The following SLC38A6 variants were observed in gnomAD, a reference collection of about 807,000 sequenced individuals.
The protein encoded by SLC38A6 is solute carrier family 38 member 6, also known as N system amino acid transporter NAT-1.
SLC38A6 carries 73 observed loss-of-function variants against 65.0 expected under a neutral mutation model. That is an observed-to-expected ratio of 1.12 (90% CI 0.93 to 1.37). SLC38A6 has a LOEUF of 1.37. Ranked by LOEUF, SLC38A6 falls within the 40% of genes most tolerant of loss-of-function variation. SLC38A6 has a pLI of 0.00. For missense variants in SLC38A6, 561 were observed against 531.1 expected (o/e 1.06, Z -0.55); for synonymous variants, 183 against 178.8 (o/e 1.02, Z -0.19).
chr14:61,069,965 G>A (rs533612094), intron 15 of SLC38A6, among the ~76,000 whole-genome samples: 19 of 152,164 alleles, frequency 1.2e-4, no homozygotes, highest in Middle Eastern at 3.4e-3. Flanking sequence ...ATATACACCC[G>A]CAAATGTTGG....
intron 3 of SLC38A6, among the ~76,000 whole-genome samples, chr14:61,005,176 G>A (rs1247985965): frequency 1.3e-5 from 2 of 152,096 alleles, no homozygotes; most frequent in South Asian, 2.1e-4. Context: ...TTGATGGGAC[G>A]TATCTCCAAA....
intron 11 of SLC38A6, 68 bp downstream of exon 11, chr14:61,045,493 A>G: frequency 8.7e-7 from 1 of 1,149,792 alleles, no homozygotes; most frequent in Admixed American, 2.0e-5. Flanking sequence ...TTTCGGATTG[A>G]ATGACATCCT....
intron 3 of SLC38A6, among the ~76,000 whole-genome samples, chr14:60,992,882 CT>C (rs1369434388): frequency 1.3e-5 from 2 of 149,292 alleles, no homozygotes; most frequent in African/African-American, 4.9e-5. Flanking sequence ...CAGTCTTGCT[CT>C]GTCGCCCAGG....
chr14:61,028,292 G>A (rs1423780211), intron 5 of SLC38A6, among the ~76,000 whole-genome samples: 1 of 152,162 alleles, frequency 6.6e-6, no homozygotes, highest in Non-Finnish European at 1.5e-5. Flanking sequence ...AAGCAAGAAA[G>A]AAAGATGGGC....
chr14:61,066,540 A>G (rs993703212), intron 15 of SLC38A6, among the ~76,000 whole-genome samples: 1 of 152,056 alleles, frequency 6.6e-6, no homozygotes, highest in African/African-American at 2.4e-5. Flanking sequence ...AAACAGATGG[A>G]TGAAAAGACA....
chr14:61,072,721 A>G (rs571150275), intron 15 of SLC38A6, among the ~76,000 whole-genome samples: 14 of 152,264 alleles, frequency 9.2e-5, no homozygotes, highest in African/African-American at 2.6e-4. Flanking sequence ...CATTGTTTTT[A>G]TGGCTGAATA....
At chr14:61,075,282 T>C (rs1243670445) in intron 15 of SLC38A6, among the ~76,000 whole-genome samples, 5 of 152,164 alleles carry the variant, frequency 3.3e-5, no homozygotes, top group African/African-American at 1.2e-4. Flanking sequence ...GTGAACAGAA[T>C]TGTGCATGTA....
At chr14:61,006,181 G>C (rs948861301) in intron 3 of SLC38A6, among the ~76,000 whole-genome samples, 24 of 152,160 alleles carry the variant, frequency 1.6e-4, no homozygotes, top group Non-Finnish European at 3.2e-4. Context: ...ATTAATTCAA[G>C]ATGGATTAAA....
chr14:60,983,891 T>C (rs1383324396), intron 2 of SLC38A6, among the ~76,000 whole-genome samples: 1 of 152,230 alleles, frequency 6.6e-6, no homozygotes, highest in Non-Finnish European at 1.5e-5. Flanking sequence ...ACCATCATTT[T>C]TGGTGATGCT....
intron 15 of SLC38A6, 31 bp downstream of exon 15, chr14:61,052,166 C>T (rs570123085): frequency 2.0e-6 from 3 of 1,483,892 alleles, no homozygotes; most frequent in South Asian, 2.6e-5. Context: ...TCTTTCAAGA[C>T]TTCTATTTTA....
chr14:60,999,728 G>C (rs1472037347), intron 3 of SLC38A6, among the ~76,000 whole-genome samples: 1 of 152,176 alleles, frequency 6.6e-6, no homozygotes, highest in African/African-American at 2.4e-5. Flanking sequence ...AGGAGATGCA[G>C]GCAACATGAC....
chr14:61,044,394 C>T (rs1465233067), intron 10 of SLC38A6, among the ~76,000 whole-genome samples: 1 of 152,144 alleles, frequency 6.6e-6, no homozygotes, highest in East Asian at 1.9e-4. Flanking sequence ...CCGTAAAGAT[C>T]TAGGTAGGAT....
At chr14:60,990,759 C>T (rs1594968111) in intron 3 of SLC38A6, among the ~76,000 whole-genome samples, 1 of 152,202 alleles carries the variant, frequency 6.6e-6, no homozygotes, top group East Asian at 1.9e-4. Context: ...TAATCACAGG[C>T]ACACATCACC....
At chr14:61,037,485 G>T in intron 7 of SLC38A6, 140 bp from the exon 8 acceptor site, 1 of 627,204 alleles carries the variant, frequency 1.6e-6, no homozygotes, top group South Asian at 2.1e-5. Flanking sequence ...GTGACAGATA[G>T]TTGGAATGTT....
chr14:61,015,831 C>A (rs2039969035), intron 3 of SLC38A6, 73 bp from the exon 4 acceptor site: 5 of 1,193,766 alleles, frequency 4.2e-6, no homozygotes, highest in Non-Finnish European at 5.9e-6. Context: ...TGTAGTAGGA[C>A]CTGCTCTTCT....
At chr14:61,011,084 G>A (rs2039526906) in intron 3 of SLC38A6, among the ~76,000 whole-genome samples, 2 of 152,114 alleles carry the variant, frequency 1.3e-5, no homozygotes, top group Admixed American at 6.5e-5. Flanking sequence ...AGTTCTTGAA[G>A]AGGTCCTTCA....
At chr14:61,054,249 C>A (rs1187514959), downstream of SLC38A6, among the ~76,000 whole-genome samples, 2 of 152,004 alleles carry the variant, frequency 1.3e-5, no homozygotes, top group Non-Finnish European at 1.5e-5. Flanking sequence ...GTTTTTATAC[C>A]ACTGTCATGC....
intron 3 of SLC38A6, among the ~76,000 whole-genome samples, chr14:60,985,329 A>G (rs2037375634): frequency 6.6e-6 from 1 of 152,238 alleles, no homozygotes; most frequent in African/African-American, 2.4e-5. Flanking sequence ...ATGTGCAGTT[A>G]ATTCAATATA....
intron 3 of SLC38A6, among the ~76,000 whole-genome samples, chr14:61,012,750 A>T (rs570629540): frequency 6.6e-6 from 1 of 152,140 alleles, no homozygotes; most frequent in South Asian, 2.1e-4. Flanking sequence ...TCTGAGAGAC[A>T]GTTTGTTATC....
Sources: gnomAD v4.1 joint callset for allele counts (sites outside exome capture counted in the v4.1 genomes callset) on GRCh38, gnomAD v4.1.1 for gene constraint, MANE v1.5 for transcripts, NCBI Gene and HGNC (gene_info 2026-07-23, HGNC 2026-07-21) for gene names.